THSD4: variants seen among roughly 807,000 people sequenced by gnomAD.
The protein encoded by THSD4 is thrombospondin type 1 domain containing 4, also known as thrombospondin type-1 domain-containing protein 4.
A neutral mutation model predicts 119.0 loss-of-function variants in THSD4; 69 were observed. The observed-to-expected ratio is 0.58, with a 90% CI of 0.48 to 0.71. The LOEUF (loss-of-function observed/expected upper bound fraction) is 0.71, where lower values mean the gene tolerates loss of function less well. THSD4 is among the 30% of genes least tolerant of loss of function. THSD4 has a pLI of 0.00. For missense variants in THSD4, 1,393 were observed against 1,391.1 expected (o/e 1.00, Z -0.02); for synonymous variants, 524 against 540.4 (o/e 0.97, Z 0.42).
chr15:71,513,176 C>T (rs2048307959), intron 7 of THSD4, among the ~76,000 whole-genome samples: 1 of 152,202 alleles, frequency 6.6e-6, no homozygotes, highest in Non-Finnish European at 1.5e-5. Flanking sequence ...CCGAGAGCTT[C>T]CTGTCATCTC....
rs561022133 is a variant in THSD4 at position 71,424,146 on chromosome 15, C to G, written c.1152+12323C>G. On this transcript the variant is annotated intron_variant, in intron 7 of 17. Transcript: ENST00000261862. Reference sequence around the variant, plus strand: ...AAGTTAAAACCAGGTTATGTGATCGCCCACCTGATTTTTGGCTCATATGAA... The same window carrying G: ...AAGTTAAAACCAGGTTATGTGATCGGCCACCTGATTTTTGGCTCATATGAA... Among the ~76,000 whole-genome samples the G allele has an allele frequency of 3.7e-4, 57 of 152,238 alleles. No homozygotes were observed. The South Asian group carries it at 5.4e-3, about 14-fold the overall frequency.
chr15:71,114,153 T>C (rs2040330798), upstream of THSD4, among the ~76,000 whole-genome samples: 1 of 152,322 alleles, frequency 6.6e-6, no homozygotes, highest in African/African-American at 2.4e-5. Context: ...TCCGGGCCAG[T>C]AGTCGGTGCT....
intron 11 of THSD4, among the ~76,000 whole-genome samples, chr15:71,741,175 G>T (rs1005175033): frequency 1.3e-5 from 2 of 152,142 alleles, no homozygotes; most frequent in African/African-American, 4.8e-5. Flanking sequence ...ATAGCATAAA[G>T]AATGTGGATT....
intron 2 of THSD4, among the ~76,000 whole-genome samples, chr15:71,145,608 TG>T (rs1385316905): frequency 1.3e-5 from 2 of 152,080 alleles, no homozygotes; most frequent in African/African-American, 4.8e-5. Context: ...TAGGAGTAAT[TG>T]AAAAAGATCC....
At chr15:71,117,621 A>T (rs774877037) in intron 1 of THSD4, among the ~76,000 whole-genome samples, 16 of 152,100 alleles carry the variant, frequency 1.1e-4, no homozygotes, top group Non-Finnish European at 1.8e-4. Flanking sequence ...ACCATGTCCA[A>T]ATTACAGTAA....
intron 10 of THSD4, among the ~76,000 whole-genome samples, chr15:71,734,477 G>T (rs1054854906): frequency 6.6e-6 from 1 of 152,118 alleles, no homozygotes; most frequent in African/African-American, 2.4e-5. Context: ...AAGGTCAGTG[G>T]TTGCCAGGGG....
chr15:71,429,907 A>G (rs1351015181), intron 7 of THSD4, among the ~76,000 whole-genome samples: 1 of 152,240 alleles, frequency 6.6e-6, no homozygotes, highest in Non-Finnish European at 1.5e-5. Flanking sequence ...TGACACAGGC[A>G]AACAGATCTT....
At chr15:71,718,719 C>G (rs1234787298) in intron 8 of THSD4, among the ~76,000 whole-genome samples, 2 of 152,140 alleles carry the variant, frequency 1.3e-5, no homozygotes, top group Non-Finnish European at 2.9e-5. Flanking sequence ...AGGTCGTGCC[C>G]CCTCCTGCCT....
chr15:71,146,142 C>G (rs2040658344), intron 2 of THSD4, among the ~76,000 whole-genome samples: 1 of 152,158 alleles, frequency 6.6e-6, no homozygotes, highest in Non-Finnish European at 1.5e-5. Flanking sequence ...GCATGGAAAT[C>G]AAACAAATAA....
chr15:71,394,810 G>A (rs891832123), intron 6 of THSD4, among the ~76,000 whole-genome samples: 4 of 152,198 alleles, frequency 2.6e-5, no homozygotes, highest in South Asian at 2.1e-4. Flanking sequence ...ACAATTTGGC[G>A]TTTATACAGT....
At chr15:71,102,887 C>G (rs1379362245) in intron 1 of THSD4, among the ~76,000 whole-genome samples, 5 of 152,088 alleles carry the variant, frequency 3.3e-5, no homozygotes, top group Non-Finnish European at 5.9e-5. Context: ...CTTCTTTTTT[C>G]CCCCCTGAGA....
At chr15:71,756,402 AAGG>A (rs1176964236) in intron 14 of THSD4, among the ~76,000 whole-genome samples, 1 of 152,200 alleles carries the variant, frequency 6.6e-6, no homozygotes, top group African/African-American at 2.4e-5. Flanking sequence ...AGAAAAATAA[AAGG>A]AGGAATGGTA....
chr15:71,250,207 T>C (rs544668326), intron 5 of THSD4, among the ~76,000 whole-genome samples: 157 of 152,342 alleles, frequency 1.0e-3, no homozygotes, highest in African/African-American at 3.6e-3. Context: ...AATGAATATT[T>C]GCCTTTGAAT....
chr15:71,655,963 C>T (rs1031908293), intron 7 of THSD4, among the ~76,000 whole-genome samples: 16 of 152,316 alleles, frequency 1.1e-4, no homozygotes, highest in South Asian at 6.2e-4. Flanking sequence ...ACACAACAAG[C>T]CAGGGACTGG....
chr15:71,390,048 C>T (rs137858345), intron 6 of THSD4, among the ~76,000 whole-genome samples: 43 of 152,116 alleles, frequency 2.8e-4, no homozygotes, highest in African/African-American at 9.4e-4. Context: ...TGTGATCCGC[C>T]CACCTCAGCC....
At chr15:71,486,940 G>A (rs943275807) in intron 7 of THSD4, among the ~76,000 whole-genome samples, 1 of 152,138 alleles carries the variant, frequency 6.6e-6, no homozygotes, top group Non-Finnish European at 1.5e-5. Context: ...ACCACCTATT[G>A]AGTATCTGCC....
At chr15:71,245,861 T>C (rs1231897850) in intron 5 of THSD4, among the ~76,000 whole-genome samples, 4 of 152,154 alleles carry the variant, frequency 2.6e-5, no homozygotes, top group Non-Finnish European at 4.4e-5. Flanking sequence ...ATGCCAGCCA[T>C]GGACCAGCCT....
chr15:71,370,016 G>A lies in THSD4; in HGVS notation c.1016-41671G>A, dbSNP rs555866222. On this transcript the variant is annotated intron_variant, in intron 6 of 17. Transcript: ENST00000261862. ...CTTCCTGGTTTAGTCTTGTGAGGGT[G>A]TATGTGTCGAGGAATTTATCCATTT... Among the ~76,000 whole-genome samples, 4 of 152,192 alleles carry A rather than the reference G, an allele frequency of 2.6e-5. No homozygotes were observed. The South Asian group carries it at 8.3e-4, about 32-fold the overall frequency.
intron 3 of THSD4, among the ~76,000 whole-genome samples, chr15:71,180,183 A>G (rs1223235600): frequency 2.8e-5 from 4 of 141,654 alleles, no homozygotes; most frequent in Non-Finnish European, 4.7e-5. Context: ...AAAAAAAAAA[A>G]AGACACTATC....
Sources: allele counts gnomAD v4.1 joint callset (sites outside exome capture counted in the v4.1 genomes callset), GRCh38; gene constraint gnomAD v4.1.1; transcripts MANE v1.5; gene names NCBI Gene and HGNC (gene_info 2026-07-23, HGNC 2026-07-21).